The following C20orf203 variants were observed in gnomAD, a reference collection of about 807,000 sequenced individuals.
The protein encoded by C20orf203 is chromosome 20 open reading frame 203.
A neutral mutation model predicts 15.9 loss-of-function variants in C20orf203; 16 were observed. That is an observed-to-expected ratio of 1.01 (90% CI 0.68 to 1.53). The LOEUF is 1.53. Ranked by LOEUF, C20orf203 falls within the 40% of genes most tolerant of loss-of-function variation. C20orf203 has a pLI of 0.00. For synonymous variants in C20orf203, 98 were observed against 97.2 expected, an observed-to-expected ratio of 1.01 and a Z score of -0.05; for missense variants, 263 against 247.5, an observed-to-expected ratio of 1.06 and a Z score of -0.42.
At chr20:32,636,891 G>A (rs532488019) in intron 5 of C20orf203, among the ~76,000 whole-genome samples, 1 of 152,270 alleles carries the variant, frequency 6.6e-6, no homozygotes, top group South Asian at 2.1e-4. Context: ...GAACCCCTCA[G>A]GCCTGGGCAA....
intron 1 of C20orf203, among the ~76,000 whole-genome samples, chr20:32,653,174 C>CA (rs1982680117): frequency 6.6e-6 from 1 of 152,100 alleles, no homozygotes; most frequent in African/African-American, 2.4e-5. Context: ...CAGAGATGGT[C>CA]AGAGTTGGAA....
At chr20:32,668,347 G>A (rs1006690749) in intron 1 of C20orf203, among the ~76,000 whole-genome samples, 2 of 152,038 alleles carry the variant, frequency 1.3e-5, no homozygotes, top group Admixed American at 1.3e-4. Context: ...CTTCTGAGGT[G>A]GGGCACGGTG....
At chr20:32,636,110 G>A (rs1020488019) in intron 5 of C20orf203, among the ~76,000 whole-genome samples, 12 of 152,164 alleles carry the variant, frequency 7.9e-5, no homozygotes, top group African/African-American at 2.7e-4. Flanking sequence ...ACTGAACAAC[G>A]GGTGTGCATG....
chr20:32,655,118 C>A lies in C20orf203; in HGVS notation c.-263-3137G>T, dbSNP rs545752446. ...TCAGACCCCTGCCTCACACCATACA[C>A]AAAAATTAAAGTGGATGAAAACAAA... On this transcript the variant is annotated intron_variant, in intron 1 of 5. Transcript: ENST00000608990. 2.6e-5 allele frequency among the ~76,000 whole-genome samples: 4 copies of A among 152,274 alleles called. No individual in the cohort carries two copies. In the South Asian group the frequency reaches 8.3e-4, roughly 32 times the overall value.
At chr20:32,638,094 A>G (rs148906272) in intron 5 of C20orf203, among the ~76,000 whole-genome samples, 11 of 152,272 alleles carry the variant, frequency 7.2e-5, no homozygotes, top group African/African-American at 2.6e-4. Context: ...GAGGACTCAA[A>G]GAGCCATCAT....
At chr20:32,654,258 T>C (rs1042993950) in intron 1 of C20orf203, among the ~76,000 whole-genome samples, 5 of 152,060 alleles carry the variant, frequency 3.3e-5, no homozygotes, top group African/African-American at 1.2e-4. Flanking sequence ...TATACTAGCA[T>C]CAAAGAGAAT....
chr20:32,670,227 G>A (rs1045087397), intron 1 of C20orf203, among the ~76,000 whole-genome samples: 18 of 150,370 alleles, frequency 1.2e-4, no homozygotes, highest in Non-Finnish European at 2.4e-4. Flanking sequence ...TAAATAGGCC[G>A]GGCTCGGTGG....
intron 4 of C20orf203, among the ~76,000 whole-genome samples, chr20:32,647,747 T>C (rs1435089695): frequency 1.3e-5 from 2 of 152,138 alleles, no homozygotes; most frequent in East Asian, 1.9e-4. Context: ...AAGCGCCAGA[T>C]ACAGTTCCCC....
At chr20:32,648,897 A>C (rs1041076100) in intron 4 of C20orf203, among the ~76,000 whole-genome samples, 9 of 152,218 alleles carry the variant, frequency 5.9e-5, no homozygotes, top group African/African-American at 2.2e-4. Context: ...CAAAACCAAG[A>C]AAGTGACATT....
intron 4 of C20orf203, among the ~76,000 whole-genome samples, chr20:32,642,197 A>G (rs1198197487): frequency 6.6e-6 from 1 of 152,202 alleles, no homozygotes; most frequent in African/African-American, 2.4e-5. Context: ...ATTTAGAGCC[A>G]GGTCTGGCCC....
At chr20:32,672,040 G>A (rs1028281242) in intron 1 of C20orf203, among the ~76,000 whole-genome samples, 15 of 152,060 alleles carry the variant, frequency 9.9e-5, no homozygotes, top group Admixed American at 5.2e-4. Flanking sequence ...AAGAGGAGCC[G>A]GGGCAGTGGC....
At chr20:32,635,361 T>C (rs1600923804) in intron 5 of C20orf203, among the ~76,000 whole-genome samples, 1 of 151,754 alleles carries the variant, frequency 6.6e-6, no homozygotes, top group African/African-American at 2.4e-5. Context: ...TAGCCAGGCA[T>C]GGTGGCACAT....
intron 4 of C20orf203, among the ~76,000 whole-genome samples, chr20:32,643,190 C>T (rs1300950506): frequency 6.6e-6 from 1 of 152,170 alleles, no homozygotes; most frequent in African/African-American, 2.4e-5. Context: ...CCAGGGCAGC[C>T]TCTGACTCAG....
intron 1 of C20orf203, among the ~76,000 whole-genome samples, chr20:32,669,233 C>T (rs1310075933): frequency 1.3e-5 from 2 of 152,170 alleles, no homozygotes; most frequent in Admixed American, 1.3e-4. Context: ...CTTGTGTTAA[C>T]TGGGGGCGGA....
At chr20:32,644,473 A>C (rs558354835) in intron 4 of C20orf203, among the ~76,000 whole-genome samples, 15 of 152,080 alleles carry the variant, frequency 9.9e-5, no homozygotes, top group Non-Finnish European at 2.1e-4. Flanking sequence ...CCAAAACAAA[A>C]CAAAACACAA....
chr20:32,642,298 C>A (rs1403268669), intron 4 of C20orf203, among the ~76,000 whole-genome samples: 1 of 152,202 alleles, frequency 6.6e-6, no homozygotes. Context: ...GCAGACTTGG[C>A]CCTGCTCTGA....
At chr20:32,635,720 A>T (rs1019811759) in intron 5 of C20orf203, among the ~76,000 whole-genome samples, 6 of 152,024 alleles carry the variant, frequency 3.9e-5, no homozygotes, top group African/African-American at 1.4e-4. Context: ...CTGAGGTGGG[A>T]GGATCGCTTG....
rs1982394899 is a variant in C20orf203 at position 32,645,335 on chromosome 20, G to A, written c.*1177+3920C>T. Among the ~76,000 whole-genome samples, 5 of 152,314 alleles carry A rather than the reference G, an allele frequency of 3.3e-5. No homozygotes were observed. In the South Asian group the frequency reaches 1.0e-3, roughly 32 times the overall value. On this transcript the variant is annotated intron_variant, in intron 4 of 5. Coordinates refer to ENST00000608990, the MANE Select transcript of C20orf203 (RefSeq NM_182584.4). ...GCCCTCAGGTGCAGCCTCCTGCCTG[G>A]CATCCCGCCCGGCTCACTGACCTTC...
At chr20:32,671,538 G>C (rs1983164879) in intron 1 of C20orf203, among the ~76,000 whole-genome samples, 1 of 152,038 alleles carries the variant, frequency 6.6e-6, no homozygotes, top group South Asian at 2.1e-4. Context: ...GTAGAAAAAA[G>C]AAAGGGAAAA....
Sources: gnomAD v4.1 joint callset for allele counts (sites outside exome capture counted in the v4.1 genomes callset) on GRCh38, gnomAD v4.1.1 for gene constraint, MANE v1.5 for transcripts, NCBI Gene and HGNC (gene_info 2026-07-23, HGNC 2026-07-21) for gene names.